SKAP2: variants seen among roughly 807,000 people sequenced by gnomAD.
SKAP2 encodes the protein src kinase-associated phosphoprotein 2.
In SKAP2, 28 loss-of-function variants were observed where a neutral mutation model predicts 54.9. That is an observed-to-expected ratio of 0.51 (90% CI 0.38 to 0.70). SKAP2 has a LOEUF of 0.70. SKAP2 is among the 30% of genes least tolerant of loss of function. The pLI is 0.00. For missense variants in SKAP2, 356 were observed against 424.1 expected, an observed-to-expected ratio of 0.84 and a Z score of 1.41; for synonymous variants, 137 against 134.3, an observed-to-expected ratio of 1.02 and a Z score of -0.14.
Position 26,854,787 on chromosome 7 carries a change from A to G in SKAP2, c.171T>C (p.Ser57=). 6.3e-7 allele frequency: 1 copy of G among 1,595,008 alleles called. No homozygotes were observed. Among genetic ancestry groups the G allele is most frequent in the Non-Finnish European group, 8.6e-7 (1 of 1,167,404 alleles). Residue 57 remains serine, a splice_region_variant and synonymous_variant, in exon 2 of 13, where the codon TCT becomes TCC. Coordinates refer to ENST00000345317, the MANE Select transcript of SKAP2 (RefSeq NM_003930.5). Reference sequence around the variant, plus strand: ...TAAACAAAAGGTAAGTGACTTACATAGACTTTACATCTTTTATCTTCTTAA... The same window carrying G: ...TAAACAAAAGGTAAGTGACTTACATGGACTTTACATCTTTTATCTTCTTAA... ...SLIKKIKDVK[S]IYLQEFQDKG...
chr7:26,835,443 C>T (rs1005283421), intron 4 of SKAP2, among the ~76,000 whole-genome samples: 2 of 152,108 alleles, frequency 1.3e-5, no homozygotes, highest in African/African-American at 4.8e-5. Flanking sequence ...ATTTAGAAAA[C>T]CCCATCATCT....
chr7:26,864,214 T>C, intron 1 of SKAP2, 149 bp downstream of exon 1: 1 of 880,606 alleles, frequency 1.1e-6, no homozygotes, highest in Non-Finnish European at 1.8e-6. Flanking sequence ...ACAACCCCTC[T>C]CCTCTCCTCC....
At chr7:26,765,228 C>A (rs1462045977) in intron 4 of SKAP2, among the ~76,000 whole-genome samples, 1 of 152,170 alleles carries the variant, frequency 6.6e-6, no homozygotes, top group Non-Finnish European at 1.5e-5. Flanking sequence ...CTCTAATGAC[C>A]AGTGATGATG....
At chr7:26,790,669 C>T (rs1463366608) in intron 4 of SKAP2, among the ~76,000 whole-genome samples, 1 of 152,062 alleles carries the variant, frequency 6.6e-6, no homozygotes, top group Non-Finnish European at 1.5e-5. Flanking sequence ...AATATCCTAA[C>T]ATTTCTAAGT....
At chr7:26,817,761 G>A (rs201170707) in intron 4 of SKAP2, among the ~76,000 whole-genome samples, 1 of 152,030 alleles carries the variant, frequency 6.6e-6, no homozygotes, top group Non-Finnish European at 1.5e-5. Context: ...AAATCAATGT[G>A]CAAAAATCAC....
intron 4 of SKAP2, among the ~76,000 whole-genome samples, chr7:26,772,047 GATT>G (rs1373820613): frequency 6.6e-6 from 1 of 152,090 alleles, no homozygotes; most frequent in African/African-American, 2.4e-5. Context: ...GTACTATGGG[GATT>G]ATACTTTATA....
intron 4 of SKAP2, among the ~76,000 whole-genome samples, chr7:26,779,264 T>C (rs1052261678): frequency 4.2e-4 from 64 of 152,026 alleles, no homozygotes; most frequent in African/African-American, 1.1e-3. Flanking sequence ...TAATAAGATA[T>C]TTCCTCTACA....
chr7:26,664,728 G>GAA (rs372243207), downstream of SKAP2, among the ~76,000 whole-genome samples: 26 of 111,072 alleles, frequency 2.3e-4, no homozygotes, highest in African/African-American at 4.8e-4. Flanking sequence ...AAACTGAAAA[G>GAA]AAAAAAAAAA....
chr7:26,778,861 T>C (rs1783367884), intron 4 of SKAP2, among the ~76,000 whole-genome samples: 1 of 151,914 alleles, frequency 6.6e-6, no homozygotes, highest in Non-Finnish European at 1.5e-5. Flanking sequence ...TGATATAACT[T>C]TTGAAGTAAA....
chr7:26,834,608 A>G (rs1474347023), intron 4 of SKAP2, among the ~76,000 whole-genome samples: 3 of 152,216 alleles, frequency 2.0e-5, no homozygotes, highest in African/African-American at 7.2e-5. Context: ...AAATGGATGA[A>G]TTCCTGGACG....
intron 9 of SKAP2, among the ~76,000 whole-genome samples, chr7:26,693,718 T>C (rs1331335441): frequency 6.6e-6 from 1 of 152,206 alleles, no homozygotes; most frequent in African/African-American, 2.4e-5. Context: ...ACTTCCTTTT[T>C]CCATTTTAAA....
At chr7:26,787,754 T>C (rs1299566814) in intron 4 of SKAP2, among the ~76,000 whole-genome samples, 3 of 152,174 alleles carry the variant, frequency 2.0e-5, no homozygotes, top group Non-Finnish European at 4.4e-5. Flanking sequence ...TACTCACTCA[T>C]TGTCGCATAC....
At chr7:26,689,418 T>C (rs1220974793) in intron 10 of SKAP2, among the ~76,000 whole-genome samples, 1 of 152,194 alleles carries the variant, frequency 6.6e-6, no homozygotes, top group Non-Finnish European at 1.5e-5. Context: ...ATATGGTTTA[T>C]CTCCTGCTAT....
intron 6 of SKAP2, among the ~76,000 whole-genome samples, chr7:26,730,004 G>A (rs1787789003): frequency 3.3e-5 from 5 of 151,990 alleles, no homozygotes; most frequent in Admixed American, 3.3e-4. Context: ...GTAGGGATAT[G>A]GGCCCAGAAA....
chr7:26,794,592 C>G (rs1375112822), intron 4 of SKAP2, among the ~76,000 whole-genome samples: 1 of 152,242 alleles, frequency 6.6e-6, no homozygotes, highest in Non-Finnish European at 1.5e-5. Flanking sequence ...CCTGCCCAGC[C>G]CACCATCACT....
At chr7:26,759,004 T>G (rs923078766) in intron 4 of SKAP2, among the ~76,000 whole-genome samples, 11 of 152,224 alleles carry the variant, frequency 7.2e-5, no homozygotes, top group African/African-American at 2.7e-4. Flanking sequence ...AATCTAAATT[T>G]GTTGATATTA....
chr7:26,663,078 G>C (rs1308104416), downstream of SKAP2, among the ~76,000 whole-genome samples: 2 of 152,086 alleles, frequency 1.3e-5, no homozygotes, highest in African/African-American at 4.8e-5. Flanking sequence ...CTGGAGATCA[G>C]GGTAATGCAG....
intron 9 of SKAP2, among the ~76,000 whole-genome samples, chr7:26,702,371 G>C (rs1787047597): frequency 6.6e-6 from 1 of 151,940 alleles, no homozygotes; most frequent in South Asian, 2.1e-4. Flanking sequence ...TGAACTCCTG[G>C]GCTCAAGCAA....
intron 9 of SKAP2, among the ~76,000 whole-genome samples, chr7:26,724,307 G>A (rs568943178): frequency 1.3e-5 from 2 of 152,228 alleles, no homozygotes; most frequent in African/African-American, 4.8e-5. Flanking sequence ...GTGGGATCAA[G>A]CACTATGCTG....
Sources: allele counts gnomAD v4.1 joint callset (sites outside exome capture counted in the v4.1 genomes callset), GRCh38; gene constraint gnomAD v4.1.1; transcripts MANE v1.5; gene names NCBI Gene and HGNC (gene_info 2026-07-23, HGNC 2026-07-21).